The following BTBD7 variants were observed in gnomAD, a reference collection of about 807,000 sequenced individuals.
BTBD7 encodes BTB/POZ domain-containing protein 7.
Under a neutral mutation model 99.9 loss-of-function variants are expected in BTBD7, and 38 were observed. The ratio of observed to expected loss-of-function variants is 0.38; its 90% confidence interval spans 0.29 to 0.50. BTBD7 has a LOEUF of 0.50. Ranked by LOEUF, BTBD7 falls within the 20% of genes least tolerant of loss-of-function variation. The pLI is 0.93. For synonymous variants in BTBD7, 520 were observed against 511.4 expected, an observed-to-expected ratio of 1.02 and a Z score of -0.23; for missense variants, 1,170 against 1,394.6, an observed-to-expected ratio of 0.84 and a Z score of 2.57.
rs146820480 is a variant in BTBD7 at position 93,266,126 on chromosome 14, G to C, written c.1163-2133C>G. Among the ~76,000 whole-genome samples, 215 of 151,944 alleles carry C rather than the reference G, an allele frequency of 1.4e-3. 2 individuals are homozygous for C. The highest frequency in any genetic ancestry group is 0.01 in the Middle Eastern group (3 of 294). On this transcript the variant is annotated intron_variant, in intron 3 of 10. Transcript: ENST00000334746. ...ATTTAAAGAAATCGACTGCACAGCA[G>C]ATGATGGTTGGCTTAACTGGAACTA...
chr14:93,331,102 AG>A (rs2053397122), intron 1 of BTBD7, among the ~76,000 whole-genome samples: 1 of 152,096 alleles, frequency 6.6e-6, no homozygotes, highest in African/African-American at 2.4e-5. Flanking sequence ...AGTTCAGGTT[AG>A]GAAAAAAAAA....
intron 3 of BTBD7, among the ~76,000 whole-genome samples, chr14:93,282,883 A>G (rs1595308642): frequency 6.6e-6 from 1 of 152,124 alleles, no homozygotes; most frequent in Non-Finnish European, 1.5e-5. Context: ...TTTTACTTTG[A>G]AAGTCATATA....
chr14:93,285,824 C>G lies in BTBD7; in HGVS notation c.1162+8034G>C, dbSNP rs563353882. 2.0e-5 allele frequency among the ~76,000 whole-genome samples: 3 copies of G among 152,290 alleles called. No homozygotes were observed. In the South Asian group the frequency reaches 6.2e-4, roughly 32 times the overall value. The stretch of plus-strand genomic sequence containing the variant: ...AGTCTTTTAAATATAGGTACTGCTA[C>G]CAATCAGGCTTCTTATGGTGCAATA... On this transcript the variant is annotated intron_variant, in intron 3 of 10. Transcript: ENST00000334746.
chr14:93,268,633 CAGAA>C (rs1207011609), intron 3 of BTBD7, among the ~76,000 whole-genome samples: 8 of 151,938 alleles, frequency 5.3e-5, no homozygotes, highest in African/African-American at 1.9e-4. Context: ...AACTAAGACT[CAGAA>C]AGATTAAATA....
At chr14:93,280,534 A>G (rs2052706447) in intron 3 of BTBD7, among the ~76,000 whole-genome samples, 1 of 152,216 alleles carries the variant, frequency 6.6e-6, no homozygotes, top group African/African-American at 2.4e-5. Context: ...ATTTCATGAC[A>G]TGTATAACAT....
chr14:93,280,864 TG>T (rs2052710960), intron 3 of BTBD7, among the ~76,000 whole-genome samples: 1 of 151,658 alleles, frequency 6.6e-6, no homozygotes. Context: ...TTTTTTTTTT[TG>T]AAACAGATCT....
At chr14:93,255,198 G>A (rs7155458) in intron 6 of BTBD7, among the ~76,000 whole-genome samples, 1 of 151,956 alleles carries the variant, frequency 6.6e-6, no homozygotes, top group African/African-American at 2.4e-5. Context: ...CAGGCTGGAG[G>A]GCAATGGCGA....
At position 93,238,153 on chromosome 14, in the gene BTBD7, TTA is replaced by T. The variant is rs1444106012; in HGVS notation, c.*4118_*4119del. 6.6e-6 allele frequency: 1 copy of T among 152,528 alleles called. No homozygotes were observed. Among genetic ancestry groups the T allele is most frequent in the Non-Finnish European group, 1.5e-5 (1 of 68,032 alleles). 9.4% of individuals were successfully genotyped at this position (152,528 alleles called of 1,614,324 possible). A position where few individuals can be genotyped will look rare whatever the true frequency, so the allele number is the denominator to read the frequency against. Reference sequence around the variant, plus strand: ...CACATAAACACACAAATACAAGAGGTTATTTTCAAGACACACACTTGCAAGTA... The same window carrying T: ...CACATAAACACACAAATACAAGAGGTTTTTCAAGACACACACTTGCAAGTA... On this transcript the variant is annotated 3_prime_UTR_variant, in exon 11 of 11. Transcript: ENST00000334746.
intron 6 of BTBD7, 159 bp downstream of exon 6, chr14:93,257,036 A>G: frequency 2.9e-6 from 2 of 691,354 alleles, no homozygotes; most frequent in South Asian, 4.4e-5. Flanking sequence ...TGGAAGACAC[A>G]GGAGATACAA....
At position 93,294,189 on chromosome 14, in the gene BTBD7, G is replaced by A; in HGVS notation, c.831C>T (p.His277=). 6.2e-7 allele frequency: 1 copy of A among 1,614,124 alleles called. No homozygotes were observed. The highest frequency in any genetic ancestry group is 8.5e-7 in the Non-Finnish European group (1 of 1,180,022). Residue 277 remains histidine (H), a synonymous_variant, in exon 3 of 11, where the codon CAC becomes CAT. Transcript: ENST00000334746. ...GGGACCGTGCAGAAATAACAGCCTT[G>A]TGGGCTTTGAGCTCTTCATCTAAAC... ...QNCLDEELKA[H]KAVISARSPF... is the part of the protein sequence containing the mutation.
rs371638342 is a variant in BTBD7, at chr14:93,303,584, T to C, written c.-106-7427A>G. Among the ~76,000 whole-genome samples the C allele has an allele frequency of 8.5e-5, 13 of 152,380 alleles. No homozygotes were observed. The East Asian group carries it at 1.2e-3, about 14-fold the overall frequency. On this transcript the variant is annotated intron_variant, in intron 1 of 10. Coordinates refer to ENST00000334746, the MANE Select transcript of BTBD7 (RefSeq NM_001002860.4). ...GACCTGGACTAGACGAACTACATCT[T>C]AAAAGATGTTAAAATATTCTTTAAA...
Position 93,294,286 on chromosome 14 carries a change from C to T in BTBD7, c.734G>A (p.Cys245Tyr), listed in dbSNP as rs776798319. Residue 245 changes from cysteine (C) to tyrosine (Y), a missense_variant, in exon 3 of 11, where the codon TGT (cysteine) becomes TAT (tyrosine). Physicochemically the swap from Cys to Tyr is radical, Grantham distance 194. This residue lies in a region of BTBD7 where 359 missense variants were observed against 497.9 expected (regional missense o/e 0.72). Transcript: ENST00000334746. ...VDMRGLFDYMCYYDVVLSFSS... is the reference protein window; with the variant it reads ...VDMRGLFDYMYYYDVVLSFSS... ...AAAACTAAGGACGACATCATAATAA[C>T]ACATGTAATCAAAGAGTCCACGCAT... is the stretch of plus-strand genomic sequence containing the variant. 1.2e-6 allele frequency: 2 copies of T among 1,614,086 alleles called. No homozygotes were observed. The highest frequency in any genetic ancestry group is 1.1e-5 in the South Asian group (1 of 91,066).
At chr14:93,286,295 T>C (rs2052776200) in intron 3 of BTBD7, among the ~76,000 whole-genome samples, 1 of 152,214 alleles carries the variant, frequency 6.6e-6, no homozygotes. Context: ...AAGAAGGTCC[T>C]AATGCTGGGC....
chr14:93,280,678 T>C (rs1359566074), intron 3 of BTBD7, among the ~76,000 whole-genome samples: 1 of 152,150 alleles, frequency 6.6e-6, no homozygotes, highest in Non-Finnish European at 1.5e-5. Flanking sequence ...GAGACATATT[T>C]AGTAAGGCCA....
chr14:93,294,463 T>C lies in BTBD7; in HGVS notation c.557A>G (p.Asn186Ser), dbSNP rs202226065. 8.7e-5 allele frequency: 140 copies of C among 1,614,156 alleles called. No homozygotes were observed. The highest frequency in any genetic ancestry group is 1.7e-4 in the Middle Eastern group (1 of 6,060). The change falls in exon 3 of 11, where the codon AAT becomes AGT. Residue 186 changes from asparagine (N) to serine (S), a missense_variant. Asn to Ser is a conservative substitution (Grantham distance 46, BLOSUM62 1). Around this residue, in one of 4 missense-constraint regions of BTBD7, gnomAD observed 359 missense variants for 497.9 expected, o/e 0.72. Transcript: ENST00000334746. ...EYGAEIIMDINTAGIDMPMFS... is the reference protein window; with the variant it reads ...EYGAEIIMDISTAGIDMPMFS... ...CATGGGCATATCAATACCAGCTGTA[T>C]TGATGTCCATTATTATCTCTGCCCC...
intron 1 of BTBD7, among the ~76,000 whole-genome samples, chr14:93,300,172 C>T (rs1352331791): frequency 6.6e-6 from 1 of 151,338 alleles, no homozygotes; most frequent in Non-Finnish European, 1.5e-5. Flanking sequence ...ATAAGAACGT[C>T]GAAACAGAGT....
At chr14:93,308,464 A>G (rs1464140014) in intron 1 of BTBD7, among the ~76,000 whole-genome samples, 2 of 152,162 alleles carry the variant, frequency 1.3e-5, no homozygotes, top group African/African-American at 4.8e-5. Context: ...TTCCTCAATA[A>G]TTAAACATAG....
chr14:93,266,049 A>G (rs1394558641), intron 3 of BTBD7, among the ~76,000 whole-genome samples: 1 of 152,234 alleles, frequency 6.6e-6, no homozygotes, highest in African/African-American at 2.4e-5. Context: ...ATAATTGCCT[A>G]AAAAGACTGA....
chr14:93,294,670 T>G lies in BTBD7; in HGVS notation c.350A>C (p.Gln117Pro). The G allele has an allele frequency of 6.2e-7, 1 of 1,614,162 alleles. No individual in the cohort carries two copies. The highest frequency in any genetic ancestry group is 8.5e-7 in the Non-Finnish European group (1 of 1,180,036). ...GGCTTCTGGTCTAGCCAAACTGGCT[T>G]GTAGAGAAAGCTCCTTTAATGCTGA... is the stretch of plus-strand genomic sequence containing the variant. ...GTSALKELSL[Q>P]ASLARPEART... Residue 117 changes from glutamine (Q) to proline (P), a missense_variant, in exon 3 of 11, where the codon CAA (glutamine) becomes CCA (proline). Gln to Pro is a moderately conservative substitution (Grantham distance 76, BLOSUM62 -1). This residue lies in a region of BTBD7 where 359 missense variants were observed against 497.9 expected (regional missense o/e 0.72). Transcript: ENST00000334746.
Sources: gnomAD v4.1 joint callset for allele counts (sites outside exome capture counted in the v4.1 genomes callset) on GRCh38, gnomAD v4.1.1 for gene constraint, gnomAD v4.1.1 regional missense constraint, MANE v1.5 for transcripts, NCBI Gene and HGNC (gene_info 2026-07-23, HGNC 2026-07-21) for gene names.